Variants in EYS observed in about 807,000 individuals in gnomAD.
EYS encodes protein eyes shut homolog.
EYS carries 250 observed loss-of-function variants against 282.1 expected under a neutral mutation model. The ratio of observed to expected loss-of-function variants is 0.89; its 90% CI spans 0.80 to 0.98. EYS has a LOEUF of 0.98. Ranked by LOEUF, EYS falls within the 50% of genes least tolerant of loss-of-function variation. The probability of loss-of-function intolerance (pLI) is 0.00; values close to 1 mark genes in which losing one functional copy is unlikely to be tolerated. For missense variants in EYS, 4,016 were observed against 3,709.0 expected, an observed-to-expected ratio of 1.08 and a Z score of -2.15; for synonymous variants, 1,355 against 1,282.9, an observed-to-expected ratio of 1.06 and a Z score of -1.20.
At chr6:64,449,752 A>C (rs1775252762) in intron 26 of EYS, among the ~76,000 whole-genome samples, 1 of 152,190 alleles carries the variant, frequency 6.6e-6, no homozygotes, top group Non-Finnish European at 1.5e-5. Flanking sequence ...TATCCAGCCA[A>C]ACTAAGCTTC....
intron 26 of EYS, among the ~76,000 whole-genome samples, chr6:64,446,552 T>C (rs1432579965): frequency 7.8e-6 from 1 of 128,994 alleles, no homozygotes; most frequent in East Asian, 2.5e-4. Context: ...GCTTGGGGCA[T>C]TTTTCATTTT....
rs568095538 is a variant in EYS, at chr6:65,697,794, A to G, written c.-448+9341T>C. Among the ~76,000 whole-genome samples, 4 of 152,260 alleles carry G rather than the reference A, an allele frequency of 2.6e-5. 1 individual carries two copies. The highest frequency in any genetic ancestry group is 9.6e-5 in the African/African-American group (4 of 41,576). ...ATGAAATCATCACGGCATTACATCTATCTTAGTCAGAGCCTGTCAGTATGC... is the reference window on the plus strand; with the variant it reads ...ATGAAATCATCACGGCATTACATCTGTCTTAGTCAGAGCCTGTCAGTATGC... On this transcript the variant is annotated intron_variant, in intron 1 of 42. Transcript: ENST00000503581.
At chr6:65,647,556 A>T (rs896113785) in intron 1 of EYS, among the ~76,000 whole-genome samples, 5 of 152,218 alleles carry the variant, frequency 3.3e-5, no homozygotes, top group South Asian at 2.1e-4. Flanking sequence ...CTGAAACCAT[A>T]AAGATTCTAG....
chr6:64,224,440 G>A (rs1766196820), intron 31 of EYS, among the ~76,000 whole-genome samples: 1 of 151,868 alleles, frequency 6.6e-6, no homozygotes, highest in Non-Finnish European at 1.5e-5. Flanking sequence ...GTCATTTAGG[G>A]TTCTCTGCCA....
At chr6:64,515,478 A>C (rs924766671) in intron 26 of EYS, among the ~76,000 whole-genome samples, 2 of 151,392 alleles carry the variant, frequency 1.3e-5, no homozygotes, top group Admixed American at 1.3e-4. Context: ...GTACTATTAA[A>C]ACCTTATGAT....
At chr6:65,506,460 CTTTTTTTTTTTTTTTTTTTTTT>C (rs58326040) in intron 2 of EYS, among the ~76,000 whole-genome samples, 6 of 64,892 alleles carry the variant, frequency 9.2e-5, no homozygotes, top group South Asian at 6.8e-4. Flanking sequence ...TCCTTCCTTT[CTTTTTTTTTTTTTTTTTTTTTT>C]TTTTTTTTTT....
intron 12 of EYS, among the ~76,000 whole-genome samples, chr6:65,105,279 C>CT (rs199590358): frequency 0.022 from 3,295 of 151,762 alleles, 83 homozygotes; most frequent in African/African-American, 0.061. Context: ...TTTCTTCAGT[C>CT]TTCTACTGAC....
At chr6:64,032,268 C>G (rs1013371530) in intron 33 of EYS, among the ~76,000 whole-genome samples, 1 of 152,050 alleles carries the variant, frequency 6.6e-6, no homozygotes, top group Admixed American at 6.5e-5. Flanking sequence ...TAACACTCAC[C>G]GCGAGGGTCC....
At position 63,726,599 on chromosome 6, in the gene EYS, G is replaced by C; in HGVS notation, c.8153C>G (p.Thr2718Arg). The change falls in exon 42 of 43, where the codon ACA becomes AGA. Residue 2718 changes from threonine (T) to arginine (R), a missense_variant. Thr to Arg is a moderately conservative substitution (Grantham distance 71). Transcript: ENST00000503581. ...AGGCTGAAACTGCAATTGAATATGT[G>C]TCTTTTTTCGAACATGAAAGGAAGC... Reference protein sequence around the residue: ...SFASFHVRKKTHIQLQFQPLA... With the variant: ...SFASFHVRKKRHIQLQFQPLA... 6.4e-7 allele frequency: 1 copy of C among 1,551,172 alleles called. No homozygotes were observed. The highest frequency in any genetic ancestry group is 8.7e-7 in the Non-Finnish European group (1 of 1,146,656).
intron 13 of EYS, among the ~76,000 whole-genome samples, chr6:65,053,816 C>T (rs539178977): frequency 1.3e-5 from 2 of 151,848 alleles, no homozygotes; most frequent in East Asian, 1.9e-4. Context: ...ATTTTGCTAA[C>T]CTGTATCTAT....
intron 19 of EYS, among the ~76,000 whole-genome samples, chr6:64,880,518 T>C (rs1246887639): frequency 2.0e-5 from 3 of 151,658 alleles, no homozygotes; most frequent in Admixed American, 2.0e-4. Context: ...TCCCTCTCTA[T>C]ACACATTTGT....
At chr6:64,952,573 T>C in intron 14 of EYS, among the ~76,000 whole-genome samples, 1 of 152,136 alleles carries the variant, frequency 6.6e-6, no homozygotes, top group African/African-American at 2.4e-5. Flanking sequence ...TTTCTTCCAC[T>C]TGGAATGACT....
intron 35 of EYS, among the ~76,000 whole-genome samples, chr6:63,929,976 C>T (rs1205792849): frequency 3.3e-5 from 5 of 152,094 alleles, no homozygotes; most frequent in East Asian, 1.9e-4. Flanking sequence ...ACCTATGTGT[C>T]GTCACGTCTT....
At chr6:63,812,167 C>T (rs1439786768) in intron 36 of EYS, among the ~76,000 whole-genome samples, 1 of 152,144 alleles carries the variant, frequency 6.6e-6, no homozygotes, top group African/African-American at 2.4e-5. Flanking sequence ...TCCCAATCTC[C>T]AGATTTATTT....
At chr6:64,729,351 T>C (rs577214299) in intron 22 of EYS, among the ~76,000 whole-genome samples, 1 of 152,220 alleles carries the variant, frequency 6.6e-6, no homozygotes, top group Admixed American at 6.5e-5. Context: ...ATATATTCCC[T>C]ACCCAATTGA....
intron 18 of EYS, among the ~76,000 whole-genome samples, chr6:64,896,613 G>A (rs114565940): frequency 1.3e-5 from 2 of 149,874 alleles, no homozygotes; most frequent in Non-Finnish European, 3.0e-5. Context: ...CCTTCACTCC[G>A]ATGGAAAGGG....
chr6:64,094,766 T>C (rs1772521836), intron 31 of EYS, among the ~76,000 whole-genome samples: 3 of 152,222 alleles, frequency 2.0e-5, no homozygotes, highest in Admixed American at 2.0e-4. Flanking sequence ...AGTTCTGCTC[T>C]GATCTCAGTT....
chr6:65,163,539 G>A (rs1764900530), intron 12 of EYS, among the ~76,000 whole-genome samples: 1 of 151,204 alleles, frequency 6.6e-6, no homozygotes, highest in Non-Finnish European at 1.5e-5. Flanking sequence ...ATGGTGAGGG[G>A]ACGAGCGGGT....
chr6:65,608,382 GA>G (rs1765876587), intron 2 of EYS, among the ~76,000 whole-genome samples: 1 of 151,982 alleles, frequency 6.6e-6, no homozygotes, highest in Non-Finnish European at 1.5e-5. Context: ...GAATTTGCAG[GA>G]CTGAAAGTTG....
Sources: gnomAD v4.1 joint callset for allele counts (sites outside exome capture counted in the v4.1 genomes callset) on GRCh38, gnomAD v4.1.1 for gene constraint, MANE v1.5 for transcripts, NCBI Gene and HGNC (gene_info 2026-07-23, HGNC 2026-07-21) for gene names.